The following ADAMTSL1 variants were observed in gnomAD, a reference collection of about 807,000 sequenced individuals.
The protein encoded by ADAMTSL1 is ADAMTS-like protein 1.
A neutral mutation model predicts 201.8 loss-of-function variants in ADAMTSL1; 126 were observed. The ratio of observed to expected loss-of-function variants is 0.62; its 90% CI spans 0.54 to 0.72. The LOEUF (loss-of-function observed/expected upper bound fraction) is 0.72. Ranked by LOEUF, ADAMTSL1 falls within the 30% of genes least tolerant of loss-of-function variation. The pLI is 0.00. For synonymous variants in ADAMTSL1, 1,121 were observed against 903.4 expected (o/e 1.24, Z -4.32); for missense variants, 2,679 against 2,277.8 (o/e 1.18, Z -3.59).
intron 4 of ADAMTSL1, among the ~76,000 whole-genome samples, chr9:18,596,718 T>C (rs979010463): frequency 2.6e-5 from 4 of 152,224 alleles, no homozygotes; most frequent in Admixed American, 2.6e-4. Flanking sequence ...TGTTGATTTA[T>C]TCATTCAACA....
chr9:18,297,230 T>A (rs1282724024), intron 2 of ADAMTSL1, among the ~76,000 whole-genome samples: 1 of 152,212 alleles, frequency 6.6e-6, no homozygotes, highest in Admixed American at 6.5e-5. Flanking sequence ...AGGGACTTAC[T>A]GCACAGTATT....
chr9:18,561,755 T>C (rs905447593), intron 3 of ADAMTSL1, among the ~76,000 whole-genome samples: 1 of 152,232 alleles, frequency 6.6e-6, no homozygotes, highest in South Asian at 2.1e-4. Context: ...TCTTGTTGCA[T>C]TGATCCCTTT....
chr9:18,503,339 C>T lies in ADAMTSL1; in HGVS notation c.64-1490C>T, dbSNP rs34081958. Among the ~76,000 whole-genome samples the T allele has an allele frequency of 2.7e-5, 4 of 149,834 alleles. No homozygotes were observed. In the South Asian group the frequency reaches 8.5e-4, roughly 32 times the overall value. ...CTTTCATGTCTGACTTATTTCACTTCGTGTCATGTCTTTAAGTTTCATTCA... is the reference window on the plus strand; with the variant it reads ...CTTTCATGTCTGACTTATTTCACTTTGTGTCATGTCTTTAAGTTTCATTCA... On this transcript the variant is annotated intron_variant, in intron 1 of 28. Transcript: ENST00000380548.
intron 1 of ADAMTSL1, among the ~76,000 whole-genome samples, chr9:18,036,366 A>G (rs983925761): frequency 2.1e-4 from 32 of 152,220 alleles, no homozygotes; most frequent in African/African-American, 7.7e-4. Context: ...CCATGTAATA[A>G]AATGCTTTTC....
intron 26 of ADAMTSL1, among the ~76,000 whole-genome samples, chr9:18,897,954 G>A (rs1829756127): frequency 6.6e-6 from 1 of 151,594 alleles, no homozygotes; most frequent in South Asian, 2.1e-4. Context: ...GACGCAGGTG[G>A]ATCACAAGGT....
chr9:18,132,195 A>T (rs1342725017), intron 1 of ADAMTSL1, among the ~76,000 whole-genome samples: 1 of 152,130 alleles, frequency 6.6e-6, no homozygotes, highest in Admixed American at 6.5e-5. Flanking sequence ...TCCCCGGGGA[A>T]AAAAGGCCTG....
intron 4 of ADAMTSL1, among the ~76,000 whole-genome samples, chr9:18,592,468 T>G (rs545529727): frequency 6.6e-6 from 1 of 152,320 alleles, no homozygotes; most frequent in East Asian, 1.9e-4. Flanking sequence ...TGAGTTATTT[T>G]GCAACTTCTC....
chr9:18,718,138 C>T (rs1407720659), intron 14 of ADAMTSL1: 5 of 971,642 alleles, frequency 5.1e-6, no homozygotes, highest in Admixed American at 3.4e-5. Context: ...GATTTTTGAC[C>T]TTCTTCCTTC....
intron 16 of ADAMTSL1, among the ~76,000 whole-genome samples, chr9:18,759,264 A>G (rs1266613800): frequency 2.0e-5 from 3 of 152,206 alleles, no homozygotes; most frequent in African/African-American, 7.2e-5. Context: ...CAGTTCAACT[A>G]TGTAAAAAAG....
intron 2 of ADAMTSL1, among the ~76,000 whole-genome samples, chr9:18,266,511 C>A (rs1832122742): frequency 6.6e-6 from 1 of 152,164 alleles, no homozygotes; most frequent in African/African-American, 2.4e-5. Flanking sequence ...GTCTTAGGAA[C>A]TATTGAGTGA....
intron 20 of ADAMTSL1, among the ~76,000 whole-genome samples, chr9:18,802,580 A>C (rs1438629707): frequency 6.6e-6 from 1 of 152,246 alleles, no homozygotes; most frequent in Non-Finnish European, 1.5e-5. Context: ...TGTATAGAAT[A>C]GACCACATTT....
intron 17 of ADAMTSL1, among the ~76,000 whole-genome samples, chr9:18,772,145 G>A (rs1362091469): frequency 1.3e-5 from 2 of 152,176 alleles, no homozygotes; most frequent in African/African-American, 2.4e-5. Context: ...TGTTGATTTG[G>A]GGTATGGCAT....
At chr9:18,294,171 C>T (rs1187530718) in intron 2 of ADAMTSL1, among the ~76,000 whole-genome samples, 2 of 152,136 alleles carry the variant, frequency 1.3e-5, no homozygotes, top group Non-Finnish European at 2.9e-5. Context: ...CGCCAAAAAT[C>T]GTCTGATTCC....
chr9:17,981,860 C>T (rs1432397887), intron 1 of ADAMTSL1, among the ~76,000 whole-genome samples: 1 of 151,976 alleles, frequency 6.6e-6, no homozygotes, highest in Non-Finnish European at 1.5e-5. Flanking sequence ...TTGGGGTTGC[C>T]CTTGTCACTA....
intron 2 of ADAMTSL1, among the ~76,000 whole-genome samples, chr9:18,456,376 T>TG (rs1486270704): frequency 6.6e-6 from 1 of 152,178 alleles, no homozygotes; most frequent in Non-Finnish European, 1.5e-5. Context: ...AACACATTGC[T>TG]GCATACTTCC....
At chr9:18,201,004 C>G (rs1170844942) in intron 2 of ADAMTSL1, among the ~76,000 whole-genome samples, 1 of 151,996 alleles carries the variant, frequency 6.6e-6, no homozygotes, top group African/African-American at 2.4e-5. Flanking sequence ...GCAAATCTTT[C>G]TCAACAGTGA....
chr9:18,690,978 A>AACCAGT (rs1395820211), intron 13 of ADAMTSL1, among the ~76,000 whole-genome samples: 3 of 152,352 alleles, frequency 2.0e-5, no homozygotes, highest in African/African-American at 7.2e-5. Context: ...TTGCAAAAAT[A>AACCAGT]ACCAGTCTTT....
intron 1 of ADAMTSL1, among the ~76,000 whole-genome samples, chr9:18,029,054 T>C (rs534722640): frequency 6.6e-6 from 1 of 152,264 alleles, no homozygotes; most frequent in Admixed American, 6.5e-5. Flanking sequence ...ATGATTTGGC[T>C]CTCTGTTTGT....
intron 1 of ADAMTSL1, among the ~76,000 whole-genome samples, chr9:17,957,657 G>T (rs1827981962): frequency 6.6e-6 from 1 of 152,168 alleles, no homozygotes; most frequent in South Asian, 2.1e-4. Flanking sequence ...CTCAGAATGT[G>T]ACCTTATTTG....
Sources: gnomAD v4.1 joint callset for allele counts (sites outside exome capture counted in the v4.1 genomes callset) on GRCh38, gnomAD v4.1.1 for gene constraint, MANE v1.5 for transcripts, NCBI Gene and HGNC (gene_info 2026-07-23, HGNC 2026-07-21) for gene names.